C8orf89: variants seen among roughly 807,000 people sequenced by gnomAD.
The protein encoded by C8orf89 is chromosome 8 open reading frame 89, also known as putative uncharacterized protein C8orf89.
A neutral mutation model predicts 15.8 loss-of-function variants in C8orf89; 14 were observed. The ratio of observed to expected loss-of-function variants is 0.89; its 90% CI spans 0.59 to 1.39. The LOEUF (loss-of-function observed/expected upper bound fraction) is 1.39. C8orf89 is among the 40% of genes most tolerant of loss of function. C8orf89 has a pLI of 0.00. For missense variants in C8orf89, 181 were observed against 184.5 expected, an observed-to-expected ratio of 0.98 and a Z score of 0.11; for synonymous variants, 55 against 62.2, an observed-to-expected ratio of 0.88 and a Z score of 0.54.
At chr8:73,258,226 A>G (rs1384472260) in intron 1 of C8orf89, among the ~76,000 whole-genome samples, 3 of 152,124 alleles carry the variant, frequency 2.0e-5, no homozygotes, top group African/African-American at 4.8e-5. Context: ...CCTGGCCAAC[A>G]TGGTGAAATC....
rs1363181418 is a variant in C8orf89 at position 73,241,360 on chromosome 8, C to A, written c.*97G>T. 9 of 986,308 alleles carry A rather than the reference C, an allele frequency of 9.1e-6. No individual in the cohort carries two copies. The highest frequency in any genetic ancestry group is 8.7e-5 in the East Asian group (3 of 34,606). 61.1% of individuals were successfully genotyped at this position (986,308 alleles called of 1,614,324 possible). On this transcript the variant is annotated 3_prime_UTR_variant, in exon 4 of 4. Coordinates refer to ENST00000624510, the MANE Select transcript of C8orf89 (RefSeq NM_001243237.3). ...GTAAAATATTTATTTATTTACATTT[C>A]CATTTTTATATAAATCATTTTGCAT...
At chr8:73,265,552 T>C in the C8orf89 span, among the ~76,000 whole-genome samples, 1 of 152,162 alleles carries the variant, frequency 6.6e-6, no homozygotes, top group Non-Finnish European at 1.5e-5. Context: ...TCAGACCTCT[T>C]TATAGAGTCG....
the C8orf89 span, among the ~76,000 whole-genome samples, chr8:73,285,593 GGCCAGCCACCA>G: frequency 6.6e-6 from 1 of 152,350 alleles, no homozygotes; most frequent in African/African-American, 2.4e-5. Flanking sequence ...TCCTGAGACG[GGCCAGCCACCA>G]GCACTCACTG....
intron 3 of C8orf89, among the ~76,000 whole-genome samples, chr8:73,250,020 A>G (rs1380848967): frequency 6.6e-6 from 1 of 152,226 alleles, no homozygotes; most frequent in Non-Finnish European, 1.5e-5. Context: ...CAAAACAAGA[A>G]GACCAGTTTG....
chr8:73,250,371 C>A, intron 2 of C8orf89, 48 bp from the exon 3 acceptor site: 1 of 1,047,244 alleles, frequency 9.5e-7, no homozygotes, highest in Non-Finnish European at 1.4e-6. Flanking sequence ...AAATTCAGGG[C>A]ACAATGAAAC....
upstream of C8orf89, among the ~76,000 whole-genome samples, chr8:73,260,535 T>TA (rs1031904131): frequency 9.9e-5 from 15 of 151,638 alleles, no homozygotes; most frequent in African/African-American, 2.9e-4. Flanking sequence ...TAAAGTATAA[T>TA]AAAAAAAAGA....
intron 3 of C8orf89, among the ~76,000 whole-genome samples, chr8:73,243,775 C>T (rs935231721): frequency 1.3e-5 from 2 of 152,104 alleles, no homozygotes; most frequent in Non-Finnish European, 2.9e-5. Flanking sequence ...AGTCACCTGC[C>T]CACCTCAGCC....
At chr8:73,277,295 C>A in the C8orf89 span, 7 of 594,134 alleles carry the variant, frequency 1.2e-5, no homozygotes, top group Admixed American at 1.1e-4. Context: ...CAAGTGGGAG[C>A]AACACATCCA....
upstream of C8orf89, among the ~76,000 whole-genome samples, chr8:73,260,747 G>C (rs550503440): frequency 6.6e-6 from 1 of 152,182 alleles, no homozygotes; most frequent in African/African-American, 2.4e-5. Flanking sequence ...GCATTGTGAT[G>C]GTTAATATTG....
chr8:73,285,807 C>T, the C8orf89 span, among the ~76,000 whole-genome samples: 5 of 152,280 alleles, frequency 3.3e-5, no homozygotes, highest in East Asian at 5.8e-4. Flanking sequence ...GGCGTCGGGG[C>T]GGGACAGGTG....
At chr8:73,269,578 G>A in the C8orf89 span, among the ~76,000 whole-genome samples, 1 of 152,086 alleles carries the variant, frequency 6.6e-6, no homozygotes, top group South Asian at 2.1e-4. Context: ...AGCGACTCTG[G>A]GCTGCCTCAG....
intron 2 of C8orf89, among the ~76,000 whole-genome samples, chr8:73,254,795 G>A (rs1256798988): frequency 6.6e-6 from 1 of 152,104 alleles, no homozygotes; most frequent in East Asian, 1.9e-4. Context: ...ACAGAACAGA[G>A]CCCTCAGAAA....
At chr8:73,275,292 A>G in the C8orf89 span, among the ~76,000 whole-genome samples, 1 of 130,566 alleles carries the variant, frequency 7.7e-6, no homozygotes, top group African/African-American at 3.0e-5. Flanking sequence ...GCTGGAATGC[A>G]GTGGCTTGAT....
chr8:73,255,495 A>G (rs28848590), intron 2 of C8orf89, among the ~76,000 whole-genome samples: 51,789 of 151,836 alleles, frequency 0.34, 12,199 homozygotes, highest in African/African-American at 0.68. Context: ...ATGTGGAGAA[A>G]TCCCACTCCT....
the C8orf89 span, among the ~76,000 whole-genome samples, chr8:73,266,757 C>G: frequency 6.6e-6 from 1 of 152,040 alleles, no homozygotes; most frequent in African/African-American, 2.4e-5. Context: ...GCACTGTCCA[C>G]TGAACTGCAG....
At chr8:73,255,222 G>A (rs1205336107) in intron 2 of C8orf89, among the ~76,000 whole-genome samples, 1 of 151,960 alleles carries the variant, frequency 6.6e-6, no homozygotes, top group East Asian at 1.9e-4. Context: ...CTACTCGTCT[G>A]AAAAAGGGCT....
the C8orf89 span, among the ~76,000 whole-genome samples, chr8:73,282,693 A>C: frequency 6.6e-6 from 1 of 152,264 alleles, no homozygotes; most frequent in Middle Eastern, 3.2e-3. Flanking sequence ...ATTCACAGCT[A>C]TGCTTTAGAA....
intron 2 of C8orf89, 72 bp downstream of exon 2, chr8:73,256,901 A>G: frequency 2.7e-6 from 3 of 1,125,800 alleles, no homozygotes; most frequent in South Asian, 2.7e-5. Context: ...ACTGACCAGA[A>G]AAACCTCTAC....
the C8orf89 span, among the ~76,000 whole-genome samples, chr8:73,282,412 T>C: frequency 1.3e-5 from 2 of 152,174 alleles, no homozygotes; most frequent in Admixed American, 6.5e-5. Flanking sequence ...AAAATGGCAT[T>C]TAAATAAGAT....
Sources: allele counts gnomAD v4.1 joint callset (sites outside exome capture counted in the v4.1 genomes callset), GRCh38; gene constraint gnomAD v4.1.1; transcripts MANE v1.5; gene names NCBI Gene and HGNC (gene_info 2026-07-23, HGNC 2026-07-21).